The following NAA11 variants were observed in gnomAD, a reference collection of about 807,000 sequenced individuals.
NAA11 encodes N-alpha-acetyltransferase 11.
Under a neutral mutation model 16.1 loss-of-function variants are expected in NAA11, and 15 were observed. The ratio of observed to expected loss-of-function variants is 0.93; its 90% CI spans 0.62 to 1.44. The LOEUF (loss-of-function observed/expected upper bound fraction) is 1.44, where lower values mean the gene tolerates loss of function less well. Ranked by LOEUF, NAA11 falls within the 40% of genes most tolerant of loss-of-function variation. The pLI is 0.00. For synonymous variants in NAA11, 122 were observed against 112.4 expected (o/e 1.09, Z -0.54); for missense variants, 298 against 291.3 (o/e 1.02, Z -0.17).
intron 2 of NAA11, chr4:79,244,920 T>C (rs951937748): frequency 6.0e-6 from 1 of 165,846 alleles, no homozygotes; most frequent in Non-Finnish European, 1.3e-5. Flanking sequence ...GAGTCTCGCT[T>C]ACTCAGTGCT....
At chr4:79,191,533 T>G in the NAA11 span, among the ~76,000 whole-genome samples, 1 of 152,132 alleles carries the variant, frequency 6.6e-6, no homozygotes, top group African/African-American at 2.4e-5. Context: ...GAGTTGTTTG[T>G]TTTTCTCTTG....
At chr4:79,167,970 CATT>C in the NAA11 span, among the ~76,000 whole-genome samples, 1 of 152,064 alleles carries the variant, frequency 6.6e-6, no homozygotes, top group Admixed American at 6.6e-5. Context: ...TTGCTGCACT[CATT>C]AACCCATCAT....
intron 2 of NAA11, among the ~76,000 whole-genome samples, chr4:79,247,079 C>G (rs1721856344): frequency 6.6e-6 from 1 of 152,080 alleles, no homozygotes; most frequent in East Asian, 1.9e-4. Flanking sequence ...AGACTTGAGG[C>G]TAGGGTTCTA....
intron 2 of NAA11, among the ~76,000 whole-genome samples, chr4:79,283,374 T>A (rs533773887): frequency 6.6e-6 from 1 of 152,190 alleles, no homozygotes; most frequent in African/African-American, 2.4e-5. Context: ...AAGGTAACTT[T>A]TTTTTAGAAG....
At chr4:79,205,731 T>C in the NAA11 span, among the ~76,000 whole-genome samples, 1 of 152,098 alleles carries the variant, frequency 6.6e-6, no homozygotes, top group South Asian at 2.1e-4. Flanking sequence ...CTTCTAGAAT[T>C]TTTAGGCTTC....
chr4:79,189,114 C>T, the NAA11 span, among the ~76,000 whole-genome samples: 2 of 117,976 alleles, frequency 1.7e-5, no homozygotes, highest in Admixed American at 2.3e-4. Context: ...CCACTTCACT[C>T]CAGCCTGGGT....
chr4:79,253,565 G>T lies in NAA11; in HGVS notation c.*123-27295C>A, dbSNP rs544183886. The stretch of plus-strand genomic sequence containing the variant: ...AGTGAAAGAAGTGATGAGAGAGAGA[G>T]AGAACTAAAGTTTAGTTATTGAGCA... On this transcript the variant is annotated intron_variant and NMD_transcript_variant, in intron 2 of 2. Transcript: ENST00000511542. 3.3e-5 allele frequency among the ~76,000 whole-genome samples: 5 copies of T among 152,118 alleles called. No individual in the cohort carries two copies. The East Asian group carries it at 9.7e-4, about 29-fold the overall frequency.
chr4:79,203,342 A>G, the NAA11 span, among the ~76,000 whole-genome samples: 1 of 151,778 alleles, frequency 6.6e-6, no homozygotes, highest in Admixed American at 6.6e-5. Flanking sequence ...ATGCACACAC[A>G]TTAGGAAAGT....
chr4:79,184,217 T>A, the NAA11 span, among the ~76,000 whole-genome samples: 1 of 152,208 alleles, frequency 6.6e-6, no homozygotes, highest in Non-Finnish European at 1.5e-5. Context: ...TAAATGTTAA[T>A]TTTAAGTGAA....
At chr4:79,296,740 G>A (rs979339986) in intron 1 of NAA11, among the ~76,000 whole-genome samples, 1 of 152,114 alleles carries the variant, frequency 6.6e-6, no homozygotes, top group Non-Finnish European at 1.5e-5. Flanking sequence ...TCTCCCAGAA[G>A]CCAGTATGCC....
the NAA11 span, among the ~76,000 whole-genome samples, chr4:79,162,569 T>G: frequency 6.6e-6 from 1 of 152,220 alleles, no homozygotes; most frequent in Non-Finnish European, 1.5e-5. Context: ...TATTTTTATT[T>G]TATGCTGTCC....
At chr4:79,161,775 C>A in the NAA11 span, among the ~76,000 whole-genome samples, 2 of 152,060 alleles carry the variant, frequency 1.3e-5, no homozygotes, top group South Asian at 2.1e-4. Flanking sequence ...CCCGGCCTCC[C>A]GGGTTCAAGT....
intron 2 of NAA11, among the ~76,000 whole-genome samples, chr4:79,230,306 G>A (rs1301845327): frequency 6.6e-6 from 1 of 151,822 alleles, no homozygotes; most frequent in Non-Finnish European, 1.5e-5. Context: ...GATAGCATTG[G>A]GAGATATACC....
At chr4:79,314,253 T>A (rs1167476134), downstream of NAA11, among the ~76,000 whole-genome samples, 7 of 152,346 alleles carry the variant, frequency 4.6e-5, no homozygotes, top group African/African-American at 1.4e-4. Flanking sequence ...CTTTCCCATA[T>A]GTTTTATAAT....
At chr4:79,190,456 C>T in the NAA11 span, among the ~76,000 whole-genome samples, 1 of 142,574 alleles carries the variant, frequency 7.0e-6, no homozygotes, top group African/African-American at 2.7e-5. Context: ...TTGTCTCTCC[C>T]TTTTTTTTTT....
At chr4:79,291,338 C>T (rs1383766624) in intron 2 of NAA11, among the ~76,000 whole-genome samples, 1 of 152,112 alleles carries the variant, frequency 6.6e-6, no homozygotes, top group African/African-American at 2.4e-5. Flanking sequence ...TGGTGTGTAA[C>T]TGTAGTCTCA....
chr4:79,177,733 G>A, the NAA11 span, among the ~76,000 whole-genome samples: 10 of 152,202 alleles, frequency 6.6e-5, no homozygotes, highest in African/African-American at 2.4e-4. Context: ...TATCTTACTG[G>A]CAGTAAATTG....
chr4:79,168,202 AC>A, the NAA11 span, among the ~76,000 whole-genome samples: 12 of 151,822 alleles, frequency 7.9e-5, no homozygotes, highest in Non-Finnish European at 1.8e-4. Context: ...ACATGAACTC[AC>A]CCTTTTTTAT....
chr4:79,256,651 A>ATATATAAATATATATAT (rs1722113513), intron 2 of NAA11, among the ~76,000 whole-genome samples: 6 of 130,744 alleles, frequency 4.6e-5, no homozygotes, highest in South Asian at 2.3e-4. Context: ...TATAAATATA[A>ATATATAAATATATATAT]ATATATATAT....
Sources: gnomAD v4.1 joint callset for allele counts (sites outside exome capture counted in the v4.1 genomes callset) on GRCh38, gnomAD v4.1.1 for gene constraint, MANE v1.5 for transcripts, NCBI Gene and HGNC (gene_info 2026-07-23, HGNC 2026-07-21) for gene names.